The following PTPRD variants were observed in gnomAD, a reference collection of about 807,000 sequenced individuals.
PTPRD encodes the protein protein tyrosine phosphatase receptor type D.
In PTPRD, 34 loss-of-function variants were observed where a neutral mutation model predicts 214.5. That is an observed-to-expected ratio of 0.16 (90% CI 0.12 to 0.21). The LOEUF (loss-of-function observed/expected upper bound fraction) is 0.21. Among genes scored for constraint, PTPRD ranks in the 10% least tolerant of loss-of-function variants. The pLI is 1.00. For missense variants in PTPRD, 2,545 were observed against 2,398.7 expected (o/e 1.06, Z -1.27); for synonymous variants, 1,128 against 845.7 (o/e 1.33, Z -5.79).
intron 11 of PTPRD, among the ~76,000 whole-genome samples, chr9:8,983,086 A>G (rs1201097108): frequency 6.6e-6 from 1 of 151,932 alleles, no homozygotes; most frequent in Non-Finnish European, 1.5e-5. Flanking sequence ...TCTTTTTTTC[A>G]TAAATCATTT....
At chr9:8,962,650 T>C (rs1357567444) in intron 11 of PTPRD, 2 of 152,140 alleles carry the variant, frequency 1.3e-5, no homozygotes, top group African/African-American at 4.8e-5. Flanking sequence ...GTTTCTTTGA[T>C]ATCTGAATGT....
chr9:8,665,813 A>G (rs955549042), intron 12 of PTPRD, among the ~76,000 whole-genome samples: 2 of 152,200 alleles, frequency 1.3e-5, no homozygotes, highest in Non-Finnish European at 2.9e-5. Context: ...TTCAATATCC[A>G]AAGAAATACT....
intron 9 of PTPRD, among the ~76,000 whole-genome samples, chr9:9,365,811 C>A (rs1042869888): frequency 1.3e-5 from 2 of 151,358 alleles, no homozygotes; most frequent in Non-Finnish European, 3.0e-5. Context: ...AAGGCCTCAT[C>A]TCCAAATCTA....
At chr9:8,857,935 C>A (rs867551256) in intron 11 of PTPRD, among the ~76,000 whole-genome samples, 2 of 150,140 alleles carry the variant, frequency 1.3e-5, no homozygotes, top group African/African-American at 2.5e-5. Context: ...ACCCCTACCC[C>A]CTTTTCCTCC....
chr9:9,918,148 A>G (rs940196291), intron 5 of PTPRD, among the ~76,000 whole-genome samples: 3 of 151,998 alleles, frequency 2.0e-5, no homozygotes, highest in Admixed American at 6.6e-5. Flanking sequence ...TGTACATAGA[A>G]AAATCTAGAG....
At chr9:9,200,790 T>C (rs894104211) in intron 9 of PTPRD, among the ~76,000 whole-genome samples, 3 of 152,234 alleles carry the variant, frequency 2.0e-5, no homozygotes, top group Non-Finnish European at 4.4e-5. Context: ...AGTTCCTTTA[T>C]CTTTCTAACC....
chr9:10,199,068 TC>T (rs1408545345), intron 3 of PTPRD, among the ~76,000 whole-genome samples: 1 of 151,994 alleles, frequency 6.6e-6, no homozygotes, highest in Non-Finnish European at 1.5e-5. Flanking sequence ...TTTTTTTTTT[TC>T]TTCAGGCTTT....
chr9:10,088,230 C>G (rs1319680037), intron 3 of PTPRD, among the ~76,000 whole-genome samples: 1 of 151,718 alleles, frequency 6.6e-6, no homozygotes, highest in African/African-American at 2.4e-5. Flanking sequence ...GAACTTTATA[C>G]CTACCAAAGT....
intron 12 of PTPRD, among the ~76,000 whole-genome samples, chr9:8,733,333 G>C (rs192923093): frequency 7.2e-5 from 11 of 152,136 alleles, no homozygotes; most frequent in Middle Eastern, 3.4e-3. Flanking sequence ...TGCTATGACA[G>C]CTACAAGGGG....
chr9:8,658,141 C>G (rs1310468945), intron 12 of PTPRD, among the ~76,000 whole-genome samples: 1 of 152,112 alleles, frequency 6.6e-6, no homozygotes, highest in Non-Finnish European at 1.5e-5. Flanking sequence ...TATTTGGACC[C>G]TAACATGTTG....
At chr9:8,433,634 ATAATT>A (rs959384904) in intron 35 of PTPRD, among the ~76,000 whole-genome samples, 1 of 152,198 alleles carries the variant, frequency 6.6e-6, no homozygotes, top group African/African-American at 2.4e-5. Context: ...AAAAGTTAAT[ATAATT>A]TAAATAGAAA....
chr9:8,632,193 A>G (rs1342757684), intron 14 of PTPRD, among the ~76,000 whole-genome samples: 1 of 150,764 alleles, frequency 6.6e-6, no homozygotes, highest in Non-Finnish European at 1.5e-5. Flanking sequence ...GGTAAATTTG[A>G]CCTACATTAC....
At chr9:9,120,718 T>C (rs1281263138) in intron 10 of PTPRD, among the ~76,000 whole-genome samples, 1 of 152,170 alleles carries the variant, frequency 6.6e-6, no homozygotes, top group Non-Finnish European at 1.5e-5. Context: ...ACCTGTATAT[T>C]CATAACTTTA....
intron 7 of PTPRD, among the ~76,000 whole-genome samples, chr9:9,672,448 T>C (rs2096850041): frequency 6.6e-6 from 1 of 152,132 alleles, no homozygotes. Flanking sequence ...ATCAAAACAA[T>C]CCTATAAAAA....
intron 12 of PTPRD, among the ~76,000 whole-genome samples, chr9:8,729,575 G>A (rs916651682): frequency 6.6e-6 from 1 of 152,150 alleles, no homozygotes; most frequent in African/African-American, 2.4e-5. Context: ...GCTAATCTAT[G>A]AGTTTTCTTT....
At chr9:8,857,113 C>A (rs2097932527) in intron 11 of PTPRD, among the ~76,000 whole-genome samples, 1 of 152,230 alleles carries the variant, frequency 6.6e-6, no homozygotes, top group South Asian at 2.1e-4. Context: ...GTCTCCCAAA[C>A]AATCCCCCTC....
chr9:8,585,062 T>C (rs968407913), intron 14 of PTPRD, among the ~76,000 whole-genome samples: 1 of 152,136 alleles, frequency 6.6e-6, no homozygotes, highest in Non-Finnish European at 1.5e-5. Flanking sequence ...CAATTCAAGA[T>C]GAGATTTGGA....
At chr9:10,019,451 C>T (rs1211821118) in intron 4 of PTPRD, among the ~76,000 whole-genome samples, 1 of 152,232 alleles carries the variant, frequency 6.6e-6, no homozygotes, top group East Asian at 1.9e-4. Context: ...GATTATAAAT[C>T]ATGCTGCTAT....
intron 14 of PTPRD, among the ~76,000 whole-genome samples, chr9:8,563,828 TAA>T (rs2154214755): frequency 6.6e-6 from 1 of 152,236 alleles, no homozygotes; most frequent in South Asian, 2.1e-4. Context: ...CACTCAGTTC[TAA>T]GTTTTTGTAT....
Sources: gnomAD v4.1 joint callset for allele counts (sites outside exome capture counted in the v4.1 genomes callset) on GRCh38, gnomAD v4.1.1 for gene constraint, MANE v1.5 for transcripts, NCBI Gene and HGNC (gene_info 2026-07-23, HGNC 2026-07-21) for gene names.